Variants in CSMD1 observed in about 807,000 individuals in gnomAD.
The protein encoded by CSMD1 is CUB and Sushi multiple domains 1.
Under a neutral mutation model 417.5 loss-of-function variants are expected in CSMD1, and 213 were observed. The observed-to-expected ratio is 0.51, with a 90% CI of 0.46 to 0.57. The LOEUF (loss-of-function observed/expected upper bound fraction) is 0.57. CSMD1 is among the 20% of genes least tolerant of loss of function. The pLI, the probability that CSMD1 is intolerant of heterozygous loss-of-function variation, is 0.00. For missense variants in CSMD1, 6,923 were observed against 4,529.7 expected, an observed-to-expected ratio of 1.53 and a Z score of -15.17; for synonymous variants, 2,862 against 1,736.8, an observed-to-expected ratio of 1.65 and a Z score of -16.11.
At chr8:3,042,049 C>G (rs563800045) in intron 50 of CSMD1, among the ~76,000 whole-genome samples, 23 of 152,234 alleles carry the variant, frequency 1.5e-4, no homozygotes, top group Non-Finnish European at 2.4e-4. Context: ...ACTGGGAACC[C>G]AAGCCTCCCT....
At chr8:3,737,923 G>T (rs1232158045) in intron 6 of CSMD1, among the ~76,000 whole-genome samples, 1 of 152,116 alleles carries the variant, frequency 6.6e-6, no homozygotes, top group Non-Finnish European at 1.5e-5. Context: ...GTGTTCTAAA[G>T]GTAGATAATT....
intron 1 of CSMD1, among the ~76,000 whole-genome samples, chr8:4,761,155 A>C (rs1585056248): frequency 1.3e-5 from 2 of 152,264 alleles, no homozygotes; most frequent in South Asian, 4.1e-4. Context: ...GAAATGAAAA[A>C]AGTCACTATG....
At chr8:3,091,695 G>C (rs370050431) in intron 47 of CSMD1, 33 bp from the exon 48 acceptor site, 51 of 1,592,510 alleles carry the variant, frequency 3.2e-5, no homozygotes, top group Non-Finnish European at 4.2e-5. Context: ...AACATTCAGA[G>C]ATGAGTGAGC....
At chr8:3,546,697 C>A (rs1042021154) in intron 10 of CSMD1, among the ~76,000 whole-genome samples, 1 of 152,112 alleles carries the variant, frequency 6.6e-6, no homozygotes, top group Non-Finnish European at 1.5e-5. Flanking sequence ...CTGGACAAAT[C>A]TTCAATCAAT....
intron 1 of CSMD1, among the ~76,000 whole-genome samples, chr8:4,800,521 A>G (rs948961536): frequency 6.6e-6 from 1 of 152,130 alleles, no homozygotes; most frequent in Non-Finnish European, 1.5e-5. Flanking sequence ...TGACACAAGT[A>G]TTCATGTGAG....
At chr8:4,460,215 G>A (rs1324783542) in intron 2 of CSMD1, among the ~76,000 whole-genome samples, 2 of 151,576 alleles carry the variant, frequency 1.3e-5, no homozygotes, top group Non-Finnish European at 2.9e-5. Flanking sequence ...TAGAATACGT[G>A]GAAGTTAAAA....
chr8:3,949,212 C>G (rs1430928310), intron 5 of CSMD1, among the ~76,000 whole-genome samples: 1 of 152,092 alleles, frequency 6.6e-6, no homozygotes, highest in African/African-American at 2.4e-5. Context: ...AGTGACAACC[C>G]TTAAAATCTT....
At chr8:4,107,941 C>T (rs879900790) in intron 3 of CSMD1, among the ~76,000 whole-genome samples, 2 of 152,138 alleles carry the variant, frequency 1.3e-5, no homozygotes, top group African/African-American at 2.4e-5. Context: ...TTGCCCCCTA[C>T]GGACTGAAAA....
chr8:4,357,507 C>T (rs989754190), intron 3 of CSMD1, among the ~76,000 whole-genome samples: 3 of 152,134 alleles, frequency 2.0e-5, no homozygotes, highest in South Asian at 2.1e-4. Context: ...ATCCACAGTT[C>T]CTCTGCACTA....
chr8:4,112,282 T>C (rs937557739), intron 3 of CSMD1, among the ~76,000 whole-genome samples: 10 of 152,154 alleles, frequency 6.6e-5, no homozygotes, highest in African/African-American at 2.2e-4. Flanking sequence ...TGATACACCT[T>C]TCTGTGCCTG....
At position 3,822,465 on chromosome 8, in the gene CSMD1, C is replaced by T. The variant is rs181842343; in HGVS notation, c.819-68423G>A. Among the ~76,000 whole-genome samples, 63 of 152,264 alleles carry T rather than the reference C, an allele frequency of 4.1e-4. 1 individual carries two copies. The East Asian group carries it at 0.012, about 28-fold the overall frequency. On this transcript the variant is annotated intron_variant, in intron 5 of 69. Coordinates refer to ENST00000635120, the MANE Select transcript of CSMD1 (RefSeq NM_033225.6). ...AATGCCACAAAGAACAATAGGTATT[C>T]CTAACTGTAATTTCAGGATAGACAA... is the stretch of plus-strand genomic sequence containing the variant.
chr8:4,168,748 A>G (rs1797597409), intron 3 of CSMD1, among the ~76,000 whole-genome samples: 1 of 152,124 alleles, frequency 6.6e-6, no homozygotes, highest in Admixed American at 6.5e-5. Context: ...TTGGCTATTC[A>G]AGTTAGGCTT....
chr8:2,996,420 T>C (rs1482160366), intron 54 of CSMD1, among the ~76,000 whole-genome samples: 1 of 152,216 alleles, frequency 6.6e-6, no homozygotes, highest in Non-Finnish European at 1.5e-5. Flanking sequence ...ATAATGCTGT[T>C]ATTAAGTAAA....
intron 5 of CSMD1, among the ~76,000 whole-genome samples, chr8:3,787,281 T>C (rs765044817): frequency 6.6e-6 from 1 of 152,120 alleles, no homozygotes; most frequent in Non-Finnish European, 1.5e-5. Flanking sequence ...AAAACCATAA[T>C]CAATTTTAGA....
chr8:4,045,922 T>C (rs1798125036), intron 3 of CSMD1, among the ~76,000 whole-genome samples: 1 of 152,056 alleles, frequency 6.6e-6, no homozygotes. Flanking sequence ...GTATTACATA[T>C]TTTCTGGAAA....
chr8:3,973,687 A>G (rs1330669776), intron 5 of CSMD1, among the ~76,000 whole-genome samples: 2 of 152,194 alleles, frequency 1.3e-5, no homozygotes, highest in African/African-American at 4.8e-5. Context: ...CTGGCAACAG[A>G]GGTGTGAATG....
chr8:4,503,621 T>A (rs1335524847), intron 2 of CSMD1, among the ~76,000 whole-genome samples: 3 of 152,156 alleles, frequency 2.0e-5, no homozygotes. Context: ...GCTTGAGTAA[T>A]GATCATCACT....
intron 2 of CSMD1, among the ~76,000 whole-genome samples, chr8:4,535,658 C>G (rs367567909): frequency 5.9e-5 from 9 of 152,034 alleles, no homozygotes; most frequent in Non-Finnish European, 1.5e-5. Flanking sequence ...TGCCAAAGAC[C>G]TTGATTCAGC....
At chr8:3,229,302 TAA>T (rs1487901600) in intron 27 of CSMD1, among the ~76,000 whole-genome samples, 2 of 152,220 alleles carry the variant, frequency 1.3e-5, no homozygotes, top group African/African-American at 2.4e-5. Context: ...CTTAAAATAA[TAA>T]AGTTCAGTAG....
Sources: gnomAD v4.1 joint callset for allele counts (sites outside exome capture counted in the v4.1 genomes callset) on GRCh38, gnomAD v4.1.1 for gene constraint, MANE v1.5 for transcripts, NCBI Gene and HGNC (gene_info 2026-07-23, HGNC 2026-07-21) for gene names.